Variants in SEMA5B observed in about 807,000 individuals in gnomAD.
SEMA5B encodes the protein semaphorin 5B, also known as semaphorin-5B.
SEMA5B carries 66 observed loss-of-function variants against 135.0 expected under a neutral mutation model. That is an observed-to-expected ratio of 0.49 (90% CI 0.40 to 0.60). SEMA5B has a LOEUF of 0.60. Ranked by LOEUF, SEMA5B falls within the 20% of genes least tolerant of loss-of-function variation. The probability of loss-of-function intolerance (pLI) is 0.00; values close to 1 mark genes in which losing one functional copy is unlikely to be tolerated. For synonymous variants in SEMA5B, 690 were observed against 639.5 expected, an observed-to-expected ratio of 1.08 and a Z score of -1.19; for missense variants, 1,501 against 1,566.3, an observed-to-expected ratio of 0.96 and a Z score of 0.70.
Position 122,950,281 on chromosome 3 carries a change from G to A in SEMA5B, c.125-1572C>T, listed in dbSNP as rs544529482. 4.6e-5 allele frequency among the ~76,000 whole-genome samples: 7 copies of A among 152,342 alleles called. No homozygotes were observed. The South Asian group carries it at 1.0e-3, about 23-fold the overall frequency. On this transcript the variant is annotated intron_variant, in intron 2 of 22. Transcript: ENST00000357599. ...TCCAAGTTACTTGCTGCAGTCTTCC[G>A]GTGAAGCAGTGGGGAGAGGGCCACT...
chr3:122,958,509 G>A (rs922000677), intron 2 of SEMA5B, among the ~76,000 whole-genome samples: 1 of 152,174 alleles, frequency 6.6e-6, no homozygotes, highest in Non-Finnish European at 1.5e-5. Context: ...CCGTGGGGGT[G>A]GTGAAGGCAT....
chr3:122,987,852 T>A (rs1941749873), intron 1 of SEMA5B, among the ~76,000 whole-genome samples: 3 of 152,210 alleles, frequency 2.0e-5, no homozygotes, highest in Admixed American at 1.3e-4. Flanking sequence ...AAATTTATTT[T>A]TTTTTTCAAT....
rs1420923001 is a variant in SEMA5B at position 122,926,092 on chromosome 3, C to A, written c.1136+300G>T. Among the ~76,000 whole-genome samples the A allele has an allele frequency of 1.3e-5, 2 of 152,174 alleles. No homozygotes were observed. Among genetic ancestry groups the A allele is most frequent in the African/African-American group, 2.4e-5 (1 of 41,452 alleles). ...GTGGCTATTGCTGCCTGCTCCCCTC[C>A]CCTACATGGCTATATCCCCTCATCC... On this transcript the variant is annotated intron_variant, in intron 9 of 22. Transcript: ENST00000357599.
Position 122,943,438 on chromosome 3 carries a change from G to A in SEMA5B, c.426C>T (p.Ala142=), listed in dbSNP as rs776863203. Residue 142 remains alanine (A), a splice_region_variant and synonymous_variant, in exon 4 of 23, where the codon GCC becomes GCT. Coordinates refer to ENST00000357599, the MANE Select transcript of SEMA5B (RefSeq NM_001031702.4). The stretch of plus-strand genomic sequence containing the variant: ...CCGACCCTTCTGCCCCTTGTTACCT[G>A]GCTCCCACGATGAGCTGGTTCCCGG... ...DPSGNQLIVG[A]RNYLFRLSLA... 3 of 1,598,594 alleles carry A rather than the reference G, an allele frequency of 1.9e-6. No homozygotes were observed. The highest frequency in any genetic ancestry group is 2.6e-6 in the Non-Finnish European group (3 of 1,172,504).
In SEMA5B at chr3:122,922,088, C is replaced by T. The variant is rs1427362996; in HGVS notation, c.1515G>A (p.Ala505=). 2.0e-6 allele frequency: 3 copies of T among 1,492,160 alleles called. No homozygotes were observed. Among genetic ancestry groups the T allele is most frequent in the South Asian group, 1.4e-5 (1 of 73,484 alleles). 92.4% of individuals were successfully genotyped at this position (1,492,160 alleles called of 1,614,324 possible). Residue 505 remains alanine, a synonymous_variant, in exon 12 of 23, where the codon GCG becomes GCA. Transcript: ENST00000357599. ...SGTILKALST[A]SRSLHGCYLE... The stretch of plus-strand genomic sequence containing the variant: ...GGTAGCAGCCGTGGAGGCTGCGGCT[C>T]GCCGTGGACAGCGCCTTCAGGATGG...
intron 12 of SEMA5B, among the ~76,000 whole-genome samples, chr3:122,920,051 C>T (rs997464834): frequency 1.3e-5 from 2 of 152,192 alleles, no homozygotes; most frequent in Non-Finnish European, 2.9e-5. Context: ...CATACTAGGC[C>T]ACCTGGACCA....
In SEMA5B at chr3:123,016,584, T is replaced by C. The variant is rs559586252; in HGVS notation, c.-39+10880A>G. ...CATTTAAAAATTTAATTTAATTTAA[T>C]TTTTTTTAGAGACAGGATCTCATTC... is the stretch of plus-strand genomic sequence containing the variant. On this transcript the variant is annotated intron_variant, in intron 1 of 22. Coordinates refer to ENST00000357599, the MANE Select transcript of SEMA5B (RefSeq NM_001031702.4). Among the ~76,000 whole-genome samples, 8 of 152,080 alleles carry C rather than the reference T, an allele frequency of 5.3e-5. No homozygotes were observed. In the South Asian group the frequency reaches 1.7e-3, roughly 32 times the overall value.
At chr3:122,949,155 G>A (rs891982772) in intron 2 of SEMA5B, among the ~76,000 whole-genome samples, 2 of 152,090 alleles carry the variant, frequency 1.3e-5, no homozygotes, top group African/African-American at 4.8e-5. Context: ...AGAAAATTCA[G>A]GCAGGATCCT....
At chr3:122,992,119 G>C (rs1375518386) in intron 1 of SEMA5B, among the ~76,000 whole-genome samples, 2 of 152,208 alleles carry the variant, frequency 1.3e-5, no homozygotes, top group Admixed American at 6.5e-5. Flanking sequence ...TCCAAGGGCT[G>C]TGGTTCTCCA....
intron 1 of SEMA5B, among the ~76,000 whole-genome samples, chr3:122,976,773 G>A (rs1204596520): frequency 6.6e-6 from 1 of 152,184 alleles, no homozygotes; most frequent in Non-Finnish European, 1.5e-5. Context: ...TCCGGGGCCA[G>A]GCGCGGTGGC....
intron 1 of SEMA5B, among the ~76,000 whole-genome samples, chr3:122,988,797 A>G (rs1227643816): frequency 1.3e-5 from 2 of 152,174 alleles, no homozygotes; most frequent in Admixed American, 6.5e-5. Flanking sequence ...GGGCTACCAC[A>G]CCTCAATCAG....
At chr3:123,012,066 G>A (rs75131527) in intron 1 of SEMA5B, among the ~76,000 whole-genome samples, 3,257 of 152,260 alleles carry the variant, frequency 0.021, 101 homozygotes, top group East Asian at 0.16. Flanking sequence ...TGGCTTCGCC[G>A]TGGCCTAGGT....
intron 1 of SEMA5B, among the ~76,000 whole-genome samples, chr3:122,976,437 G>C (rs1307338066): frequency 1.3e-5 from 2 of 152,160 alleles, no homozygotes; most frequent in African/African-American, 4.8e-5. Context: ...CAGACCACTT[G>C]GGTGGCTTTG....
At chr3:122,957,863 G>A (rs1035540450) in intron 2 of SEMA5B, among the ~76,000 whole-genome samples, 3 of 152,202 alleles carry the variant, frequency 2.0e-5, no homozygotes, top group African/African-American at 4.8e-5. Flanking sequence ...CAGCCTTATC[G>A]TTGCATTCCA....
chr3:123,017,954 G>C (rs1942599574), intron 1 of SEMA5B, among the ~76,000 whole-genome samples: 1 of 151,768 alleles, frequency 6.6e-6, no homozygotes, highest in South Asian at 2.1e-4. Context: ...CTGGACCCCA[G>C]ACCAGCAAAA....
chr3:123,004,497 G>A (rs183130125), intron 1 of SEMA5B, among the ~76,000 whole-genome samples: 1 of 152,182 alleles, frequency 6.6e-6, no homozygotes, highest in Non-Finnish European at 1.5e-5. Flanking sequence ...ATTACTCCGT[G>A]TAAGAAGGCA....
intron 12 of SEMA5B, among the ~76,000 whole-genome samples, chr3:122,916,629 C>T (rs1938088446): frequency 6.6e-6 from 1 of 152,200 alleles, no homozygotes; most frequent in South Asian, 2.1e-4. Context: ...CCACGCTTTT[C>T]CCCTCACACT....
rs187541343 is a variant in SEMA5B, at chr3:122,935,840, C to T, written c.474+3585G>A. On this transcript the variant is annotated intron_variant, in intron 5 of 22. Coordinates refer to ENST00000357599, the MANE Select transcript of SEMA5B (RefSeq NM_001031702.4). ...TCCTGAGTAGCTGGGATTACAGGTA[C>T]CCACCACCATGCCCAGCTAATTTTT... 2.2e-4 allele frequency among the ~76,000 whole-genome samples: 33 copies of T among 151,848 alleles called. No individual in the cohort carries two copies. The East Asian group carries it at 3.5e-3, about 16-fold the overall frequency.
chr3:123,000,812 A>C (rs1444338554), intron 1 of SEMA5B, among the ~76,000 whole-genome samples: 1 of 152,180 alleles, frequency 6.6e-6, no homozygotes, highest in Non-Finnish European at 1.5e-5. Flanking sequence ...CCTGGCCACC[A>C]AATGACAATA....
Sources: allele counts gnomAD v4.1 joint callset (sites outside exome capture counted in the v4.1 genomes callset), GRCh38; gene constraint gnomAD v4.1.1; transcripts MANE v1.5; gene names NCBI Gene and HGNC (gene_info 2026-07-23, HGNC 2026-07-21).